GMIP: variants seen among roughly 807,000 people sequenced by gnomAD.
GMIP encodes the protein GEM-interacting protein.
A neutral mutation model predicts 105.3 loss-of-function variants in GMIP; 54 were observed. That is an observed-to-expected ratio of 0.51 (90% confidence interval 0.41 to 0.64). The LOEUF (loss-of-function observed/expected upper bound fraction) is 0.64. Ranked by LOEUF, GMIP falls within the 30% of genes least tolerant of loss-of-function variation. The pLI is 0.00. For missense variants in GMIP, 1,110 were observed against 1,319.4 expected (o/e 0.84, Z 2.46); for synonymous variants, 541 against 560.8 (o/e 0.96, Z 0.50).
In GMIP at chr19:19,638,477, G is replaced by A. The variant is rs199885027; in HGVS notation, c.543C>T (p.Leu181=). The A allele has an allele frequency of 3.7e-6, 6 of 1,613,812 alleles. No homozygotes were observed. The East Asian group carries it at 6.7e-5, about 18-fold the overall frequency. The change falls in exon 8 of 21, where the codon CTC becomes CTT. Residue 181 remains leucine (L), a synonymous_variant. Coordinates refer to ENST00000203556, the MANE Select transcript of GMIP (RefSeq NM_016573.4). The part of the protein sequence containing the change: ...AQQKRDYYQP[L]AAKRTEIEKW... ...TCTCAATCTCAGTCCGTTTGGCGGC[G>A]AGGGGCTGGCAAGGGTTGGGGATGG...
intron 13 of GMIP, 117 bp downstream of exon 13, chr19:19,636,589 CA>C: frequency 1.3e-6 from 1 of 764,514 alleles, no homozygotes; most frequent in Non-Finnish European, 2.4e-6. Context: ...GGAAATAGGT[CA>C]GGGGTGTGGG....
intron 4 of GMIP, among the ~76,000 whole-genome samples, chr19:19,641,134 G>A (rs2061914701): frequency 6.6e-6 from 1 of 151,816 alleles, no homozygotes. Context: ...AGGCTGGAGT[G>A]CAATGGCCCT....
intron 7 of GMIP, among the ~76,000 whole-genome samples, chr19:19,638,802 C>T (rs1271765786): frequency 3.3e-4 from 47 of 142,816 alleles, no homozygotes; most frequent in African/African-American, 1.0e-3. Flanking sequence ...TTTTGGTTGG[C>T]CAGGTGTAGT....
At position 19,634,130 on chromosome 19, in the gene GMIP, C is replaced by T. The variant is rs376612857; in HGVS notation, c.2145G>A (p.Gly715=). ...MSANNLGIVF[G]PTLLRPPDGP... ...CGTCCGGCGGCCGCAGCAGTGTCGG[C>T]CCAAACACAATGCCCAGGTTGTTGG... Residue 715 remains glycine, a synonymous_variant, in exon 19 of 21, where the codon GGG becomes GGA. Transcript: ENST00000203556. The surrounding 1 kb of genome is among the most constrained non-coding windows in gnomAD (Gnocchi z 6.1). 13 of 1,611,714 alleles carry T rather than the reference C, an allele frequency of 8.1e-6. No homozygotes were observed. The East Asian group carries it at 2.2e-4, about 28-fold the overall frequency.
Position 19,641,237 on chromosome 19 carries a change from C to T in GMIP, c.238+573G>A, listed in dbSNP as rs567702051. Among the ~76,000 whole-genome samples the T allele has an allele frequency of 2.8e-3, 422 of 152,194 alleles. 1 individual carries two copies. Among genetic ancestry groups the T allele is most frequent in the Non-Finnish European group, 4.4e-3 (296 of 68,010 alleles). On this transcript the variant is annotated intron_variant, in intron 4 of 20. Transcript: ENST00000203556. The stretch of plus-strand genomic sequence containing the variant: ...CTGGGACTACAGGCACTCGCCACTG[C>T]GCCCGGCTAAATTTTTTTGTATTTT...
rs1024821604 is a variant in GMIP, at chr19:19,638,258, G to A, written c.690C>T (p.Arg230=). The A allele has an allele frequency of 1.2e-6, 2 of 1,605,232 alleles. No homozygotes were observed. Among genetic ancestry groups the A allele is most frequent in the Non-Finnish European group, 1.7e-6 (2 of 1,179,510 alleles). The change falls in exon 9 of 21, where the codon CGC becomes CGT. Residue 230 remains arginine (R), a synonymous_variant. Coordinates refer to ENST00000203556, the MANE Select transcript of GMIP (RefSeq NM_016573.4). The part of the protein sequence containing the change: ...YVQRSEDLRA[R]SQGSPEDSAP... Reference sequence around the variant, plus strand: ...CCGAGTCCTCAGGGGACCCCTGGGAGCGTGCCCGCAGGTCCTCGCTGCGTT... The same window carrying A: ...CCGAGTCCTCAGGGGACCCCTGGGAACGTGCCCGCAGGTCCTCGCTGCGTT...
rs148573132 is a variant in GMIP at position 19,636,480 on chromosome 19, G to A, written c.1327+227C>T. On this transcript the variant is annotated intron_variant, in intron 13 of 20. Coordinates refer to ENST00000203556, the MANE Select transcript of GMIP (RefSeq NM_016573.4). ...GGAGGTTGCAGTGAGCCGAGATCACGCCACTGCACTCCAGGCTGGGCGACA... is the reference window on the plus strand; with the variant it reads ...GGAGGTTGCAGTGAGCCGAGATCACACCACTGCACTCCAGGCTGGGCGACA... Among the ~76,000 whole-genome samples, 1,050 of 152,066 alleles carry A rather than the reference G, an allele frequency of 6.9e-3. 49 individuals are homozygous for A. The highest frequency in any genetic ancestry group is 0.061 in the Admixed American group (931 of 15,266).
chr19:19,638,600 T>G, intron 7 of GMIP, 118 bp from the exon 8 acceptor site: 1 of 800,344 alleles, frequency 1.2e-6, no homozygotes, highest in Admixed American at 2.6e-5. Context: ...TATTTTTTTT[T>G]TTTTCGAGAC....
Position 19,643,617 on chromosome 19 carries a change from AGCCGCCGCC to A in GMIP, c.-97_-89del, listed in dbSNP as rs1000299919. 534 of 1,205,976 alleles carry A rather than the reference AGCCGCCGCC, an allele frequency of 4.4e-4. 4 individuals are homozygous for A. Among genetic ancestry groups the A allele is most frequent in the Admixed American group, 1.3e-4 (5 of 39,698 alleles). The allele number at this position is 1,205,976 out of a possible 1,614,324, so 74.7% of individuals were successfully genotyped here. Reference sequence around the variant, plus strand: ...CCGAGCCCCGATTTCCTGCCGCCGCAGCCGCCGCCGCCGCCTCGGTTCCGCGTCGCCCTG... The same window carrying A: ...CCGAGCCCCGATTTCCTGCCGCCGCAGCCGCCTCGGTTCCGCGTCGCCCTG... On this transcript the variant is annotated 5_prime_UTR_variant, in exon 1 of 21. Coordinates refer to ENST00000203556, the MANE Select transcript of GMIP (RefSeq NM_016573.4).
intron 4 of GMIP, 78 bp downstream of exon 4, chr19:19,641,732 G>A (rs2061921041): frequency 1.9e-6 from 2 of 1,039,048 alleles, no homozygotes; most frequent in East Asian, 2.5e-5. Context: ...GCCTTGCATG[G>A]AACAGGGGAT....
Position 19,642,570 on chromosome 19 carries a change from C to G in GMIP, c.69G>C (p.Arg23=), listed in dbSNP as rs2061933570. The G allele has an allele frequency of 6.2e-7, 1 of 1,611,498 alleles. No individual in the cohort carries two copies. The highest frequency in any genetic ancestry group is 1.1e-5 in the South Asian group (1 of 90,928). The change falls in exon 2 of 21, where the codon CGG becomes CGC. Residue 23 remains arginine (R), a synonymous_variant. Transcript: ENST00000203556. ...EGRKRYSDIF[R]SLDNLEISLG... ...GTGAGATTTCGAGGTTGTCCAGGCT[C>G]CGGAAGATGTCACTGTACCTCTTCC...
At chr19:19,632,272 C>T (rs1347143365) in intron 19 of GMIP, among the ~76,000 whole-genome samples, 1 of 151,086 alleles carries the variant, frequency 6.6e-6, no homozygotes, top group South Asian at 2.1e-4. Context: ...CCAACCTGGG[C>T]AACAAGAATG....
chr19:19,640,072 C>G lies in GMIP; in HGVS notation c.537+13G>C, dbSNP rs757381581. 2 of 1,479,566 alleles carry G rather than the reference C, an allele frequency of 1.4e-6. No homozygotes were observed. The highest frequency in any genetic ancestry group is 9.5e-7 in the Non-Finnish European group (1 of 1,057,624). 91.7% of individuals were successfully genotyped at this position (1,479,566 alleles called of 1,614,324 possible). On this transcript the variant is annotated intron_variant, in intron 7 of 20. Coordinates refer to ENST00000203556, the MANE Select transcript of GMIP (RefSeq NM_016573.4). ...AGGGTGACCTCTGTAACATTCCACCCTGCCCCCCTCACCTGGTAGTAGTCT... is the reference window on the plus strand; with the variant it reads ...AGGGTGACCTCTGTAACATTCCACCGTGCCCCCCTCACCTGGTAGTAGTCT...
intron 19 of GMIP, 133 bp downstream of exon 19, chr19:19,633,670 G>T: frequency 1.6e-6 from 1 of 626,252 alleles, no homozygotes; most frequent in South Asian, 5.4e-5. Context: ...CTTCCAGAAT[G>T]AACATAAGTT....
rs757381581 is a variant in GMIP at position 19,640,072 on chromosome 19, C to A, written c.537+13G>T. 4 of 1,479,566 alleles carry A rather than the reference C, an allele frequency of 2.7e-6. No homozygotes were observed. In the South Asian group the frequency reaches 3.4e-5, roughly 13 times the overall value. 91.7% of individuals were successfully genotyped at this position (1,479,566 alleles called of 1,614,324 possible). A position where few individuals can be genotyped will look rare whatever the true frequency, so the allele number is the denominator to read the frequency against. On this transcript the variant is annotated intron_variant, in intron 7 of 20. Transcript: ENST00000203556. ...AGGGTGACCTCTGTAACATTCCACC[C>A]TGCCCCCCTCACCTGGTAGTAGTCT... is the stretch of plus-strand genomic sequence containing the variant.
rs2061824227 is a variant in GMIP at position 19,634,084 on chromosome 19, T to C, written c.2191A>G (p.Ile731Val). 6.2e-7 allele frequency: 1 copy of C among 1,613,138 alleles called. No homozygotes were observed. Among genetic ancestry groups the C allele is most frequent in the Admixed American group, 1.7e-5 (1 of 59,994 alleles). The change falls in exon 19 of 21, where the codon ATC becomes GTC. Residue 731 changes from isoleucine (I) to valine (V), a missense_variant. By Grantham distance (29) the Ile-to-Val change is conservative. Transcript: ENST00000203556. This position sits in a 1 kb window ranked among gnomAD's most constrained non-coding sequence, Gnocchi z 6.1. Reference protein sequence around the residue: ...PPDGPRAASAIPVTCLLDSGH... With the variant: ...PPDGPRAASAVPVTCLLDSGH... ...GAGTCCAGCAGGCAGGTGACAGGGA[T>C]GGCGCTGGCTGCCCGCGGGCCGTCC...
At chr19:19,640,627 T>C (rs1257775120) in intron 4 of GMIP, 56 bp from the exon 5 acceptor site, 19 of 1,599,610 alleles carry the variant, frequency 1.2e-5, no homozygotes, top group East Asian at 1.1e-4. Context: ...ATGGATGTCT[T>C]CCCTAAGCCC....
rs370911598 is a variant in GMIP at position 19,634,580 on chromosome 19, G to A, written c.2011C>T (p.Leu671=). The A allele has an allele frequency of 2.5e-5, 40 of 1,613,536 alleles. No individual in the cohort carries two copies. In the Middle Eastern group the frequency reaches 2.0e-3, roughly 80 times the overall value. Residue 671 remains leucine, a synonymous_variant, in exon 18 of 21, where the codon CTG becomes TTG. Transcript: ENST00000203556. The surrounding 1 kb of genome is among the most constrained non-coding windows in gnomAD (Gnocchi z 6.1). ...GGCAGCTGTACCAAGAGGGTCTTCAGCGAGCGGATAACCTCAGGGCTGGGG... is the reference window on the plus strand; with the variant it reads ...GGCAGCTGTACCAAGAGGGTCTTCAACGAGCGGATAACCTCAGGGCTGGGG... ...PSPSPEVIRS[L]KTLLVQLPDS... is the part of the protein sequence containing the mutation.
chr19:19,634,230 C>T lies in GMIP; in HGVS notation c.2085-40G>A, dbSNP rs768387979. On this transcript the variant is annotated intron_variant, in intron 18 of 20. Coordinates refer to ENST00000203556, the MANE Select transcript of GMIP (RefSeq NM_016573.4). This position sits in a 1 kb window ranked among gnomAD's most constrained non-coding sequence, Gnocchi z 6.1. The stretch of plus-strand genomic sequence containing the variant: ...AAGAGAAAGGTCAGGGTACAGGATG[C>T]AAGCTCATTGGTCTGAGGGTAAGGG... 10 of 1,532,416 alleles carry T rather than the reference C, an allele frequency of 6.5e-6. No homozygotes were observed. The Middle Eastern group carries it at 8.6e-4, about 132-fold the overall frequency. The allele number at this position is 1,532,416 out of a possible 1,614,324, so 94.9% of individuals were successfully genotyped here.
Sources: allele counts gnomAD v4.1 joint callset (sites outside exome capture counted in the v4.1 genomes callset), GRCh38; gene constraint gnomAD v4.1.1; non-coding constraint Gnocchi (gnomAD v3.1); transcripts MANE v1.5; gene names NCBI Gene and HGNC (gene_info 2026-07-23, HGNC 2026-07-21).